The following DGKA variants were observed in gnomAD, a reference collection of about 807,000 sequenced individuals.
The protein encoded by DGKA is 80 kDa diacylglycerol kinase.
DGKA carries 35 observed loss-of-function variants against 105.0 expected under a neutral mutation model. The observed-to-expected ratio is 0.33, with a 90% CI of 0.25 to 0.44. The LOEUF (loss-of-function observed/expected upper bound fraction) is 0.44, where lower values mean the gene tolerates loss of function less well. Among genes scored for constraint, DGKA ranks in the 20% least tolerant of loss-of-function variants. The pLI is 1.00. For synonymous variants in DGKA, 296 were observed against 332.0 expected, an observed-to-expected ratio of 0.89 and a Z score of 1.18; for missense variants, 665 against 915.0, an observed-to-expected ratio of 0.73 and a Z score of 3.53.
Position 55,940,098 on chromosome 12 carries a change from T to C in DGKA, c.726T>C (p.Val242=). The change falls in exon 10 of 24, where the codon GTT becomes GTC. Residue 242 remains valine (V), a synonymous_variant. Coordinates refer to ENST00000331886, the MANE Select transcript of DGKA (RefSeq NM_001345.5). The surrounding 1 kb of genome is among the most constrained non-coding windows in gnomAD (Gnocchi z 4.3). ...CTCCCTCAGTCTGTAAGTACACTGT[T>C]CACGACCAGTGTGCCATGAAAGCCC... ...GLSCNLCKYT[V]HDQCAMKALP... 6.2e-7 allele frequency: 1 copy of C among 1,614,252 alleles called. No homozygotes were observed. Among genetic ancestry groups the C allele is most frequent in the Non-Finnish European group, 8.5e-7 (1 of 1,180,046 alleles).
At position 55,953,779 on chromosome 12, in the gene DGKA, C is replaced by G. The variant is rs1888649449; in HGVS notation, c.*11C>G. The stretch of plus-strand genomic sequence containing the variant: ...GGCTTCTTGAGCTAAGGGGGACACC[C>G]TTGGCCTCCAAGCCAGCCTTGAACC... On this transcript the variant is annotated 3_prime_UTR_variant, in exon 24 of 24. Coordinates refer to ENST00000331886, the MANE Select transcript of DGKA (RefSeq NM_001345.5). 16 of 1,613,798 alleles carry G rather than the reference C, an allele frequency of 9.9e-6. No individual in the cohort carries two copies. Among genetic ancestry groups the G allele is most frequent in the Non-Finnish European group, 1.4e-5 (16 of 1,179,714 alleles).
At position 55,939,073 on chromosome 12, in the gene DGKA, C is replaced by T. The variant is rs145168752; in HGVS notation, c.474+84C>T. ...TCTGCCTTACTTCATCTCTGACAGG[C>T]AACCTGGTTCCCTTGGCTAGGATGG... is the stretch of plus-strand genomic sequence containing the variant. On this transcript the variant is annotated intron_variant, in intron 7 of 23. Coordinates refer to ENST00000331886, the MANE Select transcript of DGKA (RefSeq NM_001345.5). The T allele has an allele frequency of 1.9e-6, 3 of 1,606,918 alleles. No individual in the cohort carries two copies. In the East Asian group the frequency reaches 6.7e-5, roughly 36 times the overall value.
upstream of DGKA, chr12:55,927,604 A>G (rs1267438002): frequency 7.6e-7 from 1 of 1,322,848 alleles, no homozygotes; most frequent in African/African-American, 1.5e-5. Flanking sequence ...TGGAGACCCT[A>G]TCTAACCCTA....
In DGKA at chr12:55,952,237, G is replaced by A. The variant is rs771678530; in HGVS notation, c.1653-104G>A. 26 of 1,494,274 alleles carry A rather than the reference G, an allele frequency of 1.7e-5. No homozygotes were observed. Among genetic ancestry groups the A allele is most frequent in the Admixed American group, 1.3e-4 (8 of 59,498 alleles). 92.6% of individuals were successfully genotyped at this position (1,494,274 alleles called of 1,614,324 possible). On this transcript the variant is annotated intron_variant, in intron 19 of 23. Coordinates refer to ENST00000331886, the MANE Select transcript of DGKA (RefSeq NM_001345.5). This position sits in a 1 kb window ranked among gnomAD's most constrained non-coding sequence, Gnocchi z 5.1. Reference sequence around the variant, plus strand: ...ACCAAAGCCACCCTTGTTCCCCATGGGACTAAAGTTAGGAGGTTGATGCCC... The same window carrying A: ...ACCAAAGCCACCCTTGTTCCCCATGAGACTAAAGTTAGGAGGTTGATGCCC...
chr12:55,946,344 TTTGTTG>T (rs547976590), intron 17 of DGKA, among the ~76,000 whole-genome samples: 3 of 151,198 alleles, frequency 2.0e-5, no homozygotes, highest in Admixed American at 6.6e-5. Flanking sequence ...CTAATTTTGT[TTTGTTG>T]TTGTTGTTGT....
Position 55,952,157 on chromosome 12 carries a change from C to G in DGKA, c.1652+58C>G. 1 of 1,604,616 alleles carries G rather than the reference C, an allele frequency of 6.2e-7. No homozygotes were observed. The highest frequency in any genetic ancestry group is 1.1e-5 in the South Asian group (1 of 90,860). On this transcript the variant is annotated intron_variant, in intron 19 of 23. Coordinates refer to ENST00000331886, the MANE Select transcript of DGKA (RefSeq NM_001345.5). The surrounding 1 kb of genome is among the most constrained non-coding windows in gnomAD (Gnocchi z 5.1). The stretch of plus-strand genomic sequence containing the variant: ...ACAGTGTCAGGAGCCAGGTTTTGAC[C>G]AAGTTTGACTCAGATTGCTCAGAAG...
In DGKA at chr12:55,951,975, G is replaced by C. The variant is rs575970509; in HGVS notation, c.1588-60G>C. 32 of 1,598,478 alleles carry C rather than the reference G, an allele frequency of 2.0e-5. No individual in the cohort carries two copies. The African/African-American group carries it at 4.0e-4, about 20-fold the overall frequency. On this transcript the variant is annotated intron_variant, in intron 18 of 23. Transcript: ENST00000331886. ...GAGCAGCATGGGGACTTGGGAAAGA[G>C]GGGAGACCGGGAGGGAGAGATTGAG...
chr12:55,927,628 G>T, upstream of DGKA: 1 of 1,465,304 alleles, frequency 6.8e-7, no homozygotes, highest in Middle Eastern at 2.4e-4. Context: ...AGGTGGGGAG[G>T]TCGAATTCGT....
chr12:55,946,984 C>CT (rs1233832786), intron 17 of DGKA, among the ~76,000 whole-genome samples: 8,329 of 127,840 alleles, frequency 0.065, 740 homozygotes, highest in African/African-American at 0.19. Context: ...TCCTTTCTTT[C>CT]TTTTTTTTTT....
chr12:55,930,320 ATACTG>A (rs1254884111), upstream of DGKA: 1 of 151,010 alleles, frequency 6.6e-6, no homozygotes, highest in Admixed American at 6.6e-5. Context: ...AGTGAAGAAA[ATACTG>A]TAAAGACAGG....
rs1885648893 is a variant in DGKA at position 55,940,364 on chromosome 12, C to T, written c.849C>T (p.Asp283=). 5.6e-6 allele frequency: 9 copies of T among 1,614,204 alleles called. No individual in the cohort carries two copies. Among genetic ancestry groups the T allele is most frequent in the Non-Finnish European group, 6.8e-6 (8 of 1,180,028 alleles). Residue 283 remains aspartate, a synonymous_variant, in exon 11 of 24, where the codon GAC becomes GAT. Coordinates refer to ENST00000331886, the MANE Select transcript of DGKA (RefSeq NM_001345.5). This position sits in a 1 kb window ranked among gnomAD's most constrained non-coding sequence, Gnocchi z 4.3. ...VRGGCESGRC[D]RCQKKIRIYH... Reference sequence around the variant, plus strand: ...GAGGCTGTGAGTCCGGGCGCTGCGACCGCTGTCAGAAAAAGATCCGGATCT... The same window carrying T: ...GAGGCTGTGAGTCCGGGCGCTGCGATCGCTGTCAGAAAAAGATCCGGATCT...
chr12:55,952,644 A>T lies in DGKA; in HGVS notation c.1744-90A>T. ...CAAATCCTGCCTTCTCCAGTTTGTCATCTGGTGGAGGGAGCGATCACATCT... is the reference window on the plus strand; with the variant it reads ...CAAATCCTGCCTTCTCCAGTTTGTCTTCTGGTGGAGGGAGCGATCACATCT... On this transcript the variant is annotated intron_variant, in intron 20 of 23. Transcript: ENST00000331886. This position sits in a 1 kb window ranked among gnomAD's most constrained non-coding sequence, Gnocchi z 5.1. The T allele has an allele frequency of 6.8e-7, 1 of 1,472,660 alleles. No individual in the cohort carries two copies. Among genetic ancestry groups the T allele is most frequent in the Non-Finnish European group, 9.4e-7 (1 of 1,060,668 alleles). 91.2% of individuals were successfully genotyped at this position (1,472,660 alleles called of 1,614,324 possible).
intron 1 of DGKA, chr12:55,935,444 G>T (rs146317207): frequency 7.9e-5 from 12 of 152,236 alleles, no homozygotes; most frequent in African/African-American, 2.2e-4. Flanking sequence ...AAGGAAAGTC[G>T]CCCACTGCAC....
chr12:55,932,726 CA>C lies in DGKA; in HGVS notation c.-82+1383del. The C allele has an allele frequency of 1.6e-6, 1 of 625,668 alleles. No individual in the cohort carries two copies. Among genetic ancestry groups the C allele is most frequent in the Non-Finnish European group, 2.9e-6 (1 of 341,912 alleles). 38.8% of individuals were successfully genotyped at this position (625,668 alleles called of 1,614,324 possible). A position where few individuals can be genotyped will look rare whatever the true frequency, so the allele number is the denominator to read the frequency against. ...ACACACACGCACACACACACACACA[CA>C]CACACACACACACAACCCCCTCAGC... On this transcript the variant is annotated intron_variant, in intron 1 of 23. Coordinates refer to ENST00000331886, the MANE Select transcript of DGKA (RefSeq NM_001345.5). The surrounding 1 kb of genome is among the most constrained non-coding windows in gnomAD (Gnocchi z 4.3).
chr12:55,952,848 G>A lies in DGKA; in HGVS notation c.1858G>A (p.Gly620Arg). 6.2e-7 allele frequency: 1 copy of A among 1,614,088 alleles called. No homozygotes were observed. Among genetic ancestry groups the A allele is most frequent in the Non-Finnish European group, 8.5e-7 (1 of 1,179,990 alleles). Reference protein sequence around the residue: ...NLWGDTRRPHGDIYGINQALG... With the variant: ...NLWGDTRRPHRDIYGINQALG... ...CTGGGGTGATACCAGGAGACCCCATGGGGATATCTATGGGATCAACCAGGC... is the reference window on the plus strand; with the variant it reads ...CTGGGGTGATACCAGGAGACCCCATAGGGATATCTATGGGATCAACCAGGC... Residue 620 changes from glycine to arginine, a missense_variant, in exon 21 of 24, where the codon GGG becomes AGG. Gly to Arg is a moderately radical substitution (Grantham distance 125). This residue lies in a region of DGKA where 158 missense variants were observed against 213.4 expected (regional missense o/e 0.74). Transcript: ENST00000331886. This position sits in a 1 kb window ranked among gnomAD's most constrained non-coding sequence, Gnocchi z 5.1.
chr12:55,932,604 C>T lies in DGKA; in HGVS notation c.-82+1260C>T. 1 of 702,208 alleles carries T rather than the reference C, an allele frequency of 1.4e-6. No homozygotes were observed. The highest frequency in any genetic ancestry group is 2.6e-6 in the Non-Finnish European group (1 of 384,762). The allele number at this position is 702,208 out of a possible 1,614,324, so 43.5% of individuals were successfully genotyped here. ...AGGAAGAATGGCAAATATTACTGGG[C>T]ATCTCTTCAGCCTCAGCACAGACAA... On this transcript the variant is annotated intron_variant, in intron 1 of 23. Coordinates refer to ENST00000331886, the MANE Select transcript of DGKA (RefSeq NM_001345.5). The surrounding 1 kb of genome is among the most constrained non-coding windows in gnomAD (Gnocchi z 4.3).
At chr12:55,949,699 T>C (rs1173348166) in intron 17 of DGKA, among the ~76,000 whole-genome samples, 1 of 152,238 alleles carries the variant, frequency 6.6e-6, no homozygotes, top group East Asian at 1.9e-4. Flanking sequence ...ATTGTTTTAA[T>C]TATGGTTCTT....
chr12:55,932,754 A>T lies in DGKA; in HGVS notation c.-82+1410A>T. On this transcript the variant is annotated intron_variant, in intron 1 of 23. Coordinates refer to ENST00000331886, the MANE Select transcript of DGKA (RefSeq NM_001345.5). This position sits in a 1 kb window ranked among gnomAD's most constrained non-coding sequence, Gnocchi z 4.3. ...ACACACACACACAACCCCCTCAGCC[A>T]GGTGTAGCACTGCAGTCTTCAGTGT... The T allele has an allele frequency of 1.7e-6, 1 of 604,178 alleles. No homozygotes were observed. Among genetic ancestry groups the T allele is most frequent in the Non-Finnish European group, 3.0e-6 (1 of 333,526 alleles). 37.4% of individuals were successfully genotyped at this position (604,178 alleles called of 1,614,324 possible). A position where few individuals can be genotyped will look rare whatever the true frequency, so the allele number is the denominator to read the frequency against.
rs1266083757 is a variant in DGKA, at chr12:55,953,355, C to T, written c.2069C>T (p.Thr690Ile). The part of the protein sequence containing the change: ...AKCSEITFHT[T>I]KTLPMQIDGE... ...TGTTCCTTGGCCTCCTATAGCACCA[C>T]AAAAACCCTTCCCATGCAAATTGAC... Residue 690 changes from threonine to isoleucine, a missense_variant, in exon 23 of 24, where the codon ACA becomes ATA. Physicochemically the swap from Thr to Ile is moderately conservative, Grantham distance 89. This residue lies in a region of DGKA where 158 missense variants were observed against 213.4 expected (regional missense o/e 0.74). Transcript: ENST00000331886. The T allele has an allele frequency of 1.9e-6, 3 of 1,613,924 alleles. No homozygotes were observed. Among genetic ancestry groups the T allele is most frequent in the African/African-American group, 1.3e-5 (1 of 74,864 alleles).
Sources: gnomAD v4.1 joint callset for allele counts (sites outside exome capture counted in the v4.1 genomes callset) on GRCh38, gnomAD v4.1.1 for gene constraint, gnomAD v4.1.1 regional missense constraint, Gnocchi (gnomAD v3.1) non-coding constraint, MANE v1.5 for transcripts, NCBI Gene and HGNC (gene_info 2026-07-23, HGNC 2026-07-21) for gene names.